Variants in CADM2 observed in about 807,000 individuals in gnomAD.
CADM2 encodes the protein cell adhesion molecule 2, also known as immunoglobulin superfamily member 4D.
CADM2 carries 12 observed loss-of-function variants against 49.8 expected under a neutral mutation model. The ratio of observed to expected loss-of-function variants is 0.24; its 90% CI spans 0.15 to 0.39. The LOEUF (loss-of-function observed/expected upper bound fraction) is 0.39. CADM2 is among the 10% of genes least tolerant of loss of function. The pLI is 1.00. For synonymous variants in CADM2, 214 were observed against 175.4 expected, an observed-to-expected ratio of 1.22 and a Z score of -1.74; for missense variants, 378 against 492.3, an observed-to-expected ratio of 0.77 and a Z score of 2.20.
In CADM2 at chr3:85,513,523, G is replaced by A. The variant is rs575742953; in HGVS notation, c.62-212999G>A. Among the ~76,000 whole-genome samples, 293 of 151,650 alleles carry A rather than the reference G, an allele frequency of 1.9e-3. 1 individual carries two copies. The highest frequency in any genetic ancestry group is 3.7e-3 in the Non-Finnish European group (248 of 67,822). ...ATGAAAATGAAAAATATATGAATAC[G>A]TGCTTTTACCCAAACAAGTAAAAAT... On this transcript the variant is annotated intron_variant, in intron 1 of 9. Coordinates refer to ENST00000383699, the MANE Select transcript of CADM2 (RefSeq NM_001167675.2).
Position 85,071,455 on chromosome 3 carries a change from C to A in CADM2, c.61+111787C>A, listed in dbSNP as rs553261123. 7.3e-3 allele frequency among the ~76,000 whole-genome samples: 1,109 copies of A among 152,086 alleles called. 12 individuals are homozygous for A. The highest frequency in any genetic ancestry group is 0.025 in the African/African-American group (1,036 of 41,452). On this transcript the variant is annotated intron_variant, in intron 1 of 9. Transcript: ENST00000383699. ...GCTCAGGATAAAGGGATGGAAAAAC[C>A]TTAGTATTAACTTACAAGTAGTGCC...
intron 1 of CADM2, among the ~76,000 whole-genome samples, chr3:85,094,694 T>C (rs2037727979): frequency 6.6e-6 from 1 of 152,196 alleles, no homozygotes; most frequent in Non-Finnish European, 1.5e-5. Context: ...ATGTTTTGCA[T>C]GCAATCACTG....
At chr3:85,551,150 AT>A (rs149440069) in intron 1 of CADM2, among the ~76,000 whole-genome samples, 1 of 151,982 alleles carries the variant, frequency 6.6e-6, no homozygotes, top group African/African-American at 2.4e-5. Context: ...TGCTCAGTTG[AT>A]TTTTTATTTT....
At chr3:85,686,616 A>T (rs59426471) in intron 1 of CADM2, among the ~76,000 whole-genome samples, 23,259 of 152,126 alleles carry the variant, frequency 0.15, 1,951 homozygotes, top group African/African-American at 0.2. Context: ...ATATGATCTA[A>T]TATAATACCA....
chr3:85,359,239 T>C (rs989129508), intron 1 of CADM2, among the ~76,000 whole-genome samples: 2 of 152,144 alleles, frequency 1.3e-5, no homozygotes, highest in African/African-American at 4.8e-5. Flanking sequence ...TTGTCCATTC[T>C]TGTTATGCCT....
chr3:85,838,806 G>T lies in CADM2; in HGVS notation c.238+36610G>T, dbSNP rs561919515. On this transcript the variant is annotated intron_variant, in intron 3 of 9. Coordinates refer to ENST00000383699, the MANE Select transcript of CADM2 (RefSeq NM_001167675.2). ...TACCCAGTTACAATAATAGAATGGG[G>T]AGGGAATTATGAAAGTAACTAAAAT... Among the ~76,000 whole-genome samples the T allele has an allele frequency of 5.9e-5, 9 of 151,860 alleles. 2 individuals are homozygous for T. The highest frequency in any genetic ancestry group is 2.2e-4 in the African/African-American group (9 of 41,476).
At chr3:85,591,182 A>C (rs1344180615) in intron 1 of CADM2, among the ~76,000 whole-genome samples, 1 of 151,944 alleles carries the variant, frequency 6.6e-6, no homozygotes, top group Non-Finnish European at 1.5e-5. Flanking sequence ...TGAGCAGTTA[A>C]ATATTTTGTC....
intron 1 of CADM2, among the ~76,000 whole-genome samples, chr3:85,222,778 T>C (rs990389356): frequency 2.6e-5 from 4 of 152,186 alleles, no homozygotes; most frequent in African/African-American, 4.8e-5. Flanking sequence ...TTTACTATTA[T>C]GCTATAGCCA....
Position 86,020,090 on chromosome 3 carries a change from C to A in CADM2, c.971-45515C>A, listed in dbSNP as rs534924928. Among the ~76,000 whole-genome samples, 609 of 151,778 alleles carry A rather than the reference C, an allele frequency of 4.0e-3. 10 individuals are homozygous for A. The highest frequency in any genetic ancestry group is 0.012 in the African/African-American group (505 of 41,336). On this transcript the variant is annotated intron_variant, in intron 8 of 9. Coordinates refer to ENST00000383699, the MANE Select transcript of CADM2 (RefSeq NM_001167675.2). ...ATCAACAAAATTGATGGACCGCTAGCAAGACTAATAAAGAAAAAAAGAGAG... is the reference window on the plus strand; with the variant it reads ...ATCAACAAAATTGATGGACCGCTAGAAAGACTAATAAAGAAAAAAAGAGAG...
intron 1 of CADM2, among the ~76,000 whole-genome samples, chr3:85,069,604 T>A (rs1282691693): frequency 2.0e-5 from 3 of 152,010 alleles, no homozygotes; most frequent in African/African-American, 7.2e-5. Context: ...GAAAATCATA[T>A]CTGAATTAGA....
At chr3:85,969,968 T>A (rs575557259) in intron 8 of CADM2, among the ~76,000 whole-genome samples, 18 of 79,148 alleles carry the variant, frequency 2.3e-4, no homozygotes, top group South Asian at 1.2e-3. Context: ...TGTGTGTGTG[T>A]GAGTGTATAT....
intron 1 of CADM2, among the ~76,000 whole-genome samples, chr3:85,552,366 G>GTGTTTTTTTTTTTTTTTTTTTTTTTTTT (rs2061828186): frequency 1.1e-5 from 1 of 87,588 alleles, no homozygotes; most frequent in African/African-American, 4.6e-5. Context: ...ACTTTGAAAA[G>GTGTTTTTTTTTTTTTTTTTTTTTTTTTT]TTTTTTTTTT....
intron 1 of CADM2, among the ~76,000 whole-genome samples, chr3:85,116,527 C>T (rs1225446555): frequency 3.0e-4 from 46 of 152,018 alleles, no homozygotes; most frequent in Non-Finnish European, 7.4e-5. Context: ...TTATATGAGT[C>T]AAAGTTAGTG....
chr3:84,990,138 A>G (rs936045944), intron 1 of CADM2, among the ~76,000 whole-genome samples: 3 of 151,742 alleles, frequency 2.0e-5, no homozygotes, highest in African/African-American at 7.2e-5. Context: ...TCAAGAATAT[A>G]ATTCTATCCA....
chr3:85,030,240 C>T (rs1359884567), intron 1 of CADM2, among the ~76,000 whole-genome samples: 3 of 152,192 alleles, frequency 2.0e-5, no homozygotes, highest in Non-Finnish European at 4.4e-5. Context: ...GTCACACAAC[C>T]TTTCCTATGT....
intron 8 of CADM2, among the ~76,000 whole-genome samples, chr3:85,983,258 A>C (rs148611175): frequency 2.6e-5 from 4 of 151,834 alleles, no homozygotes; most frequent in South Asian, 2.1e-4. Context: ...TATTTGGAGG[A>C]AGAAGAACTT....
At chr3:85,472,779 T>TTC (rs1040728473) in intron 1 of CADM2, among the ~76,000 whole-genome samples, 3 of 151,520 alleles carry the variant, frequency 2.0e-5, no homozygotes, top group Non-Finnish European at 4.4e-5. Context: ...TTGTCACTCA[T>TTC]TCTCTCTCTC....
At chr3:85,437,535 T>C (rs1415513927) in intron 1 of CADM2, among the ~76,000 whole-genome samples, 3 of 152,164 alleles carry the variant, frequency 2.0e-5, no homozygotes, top group African/African-American at 4.8e-5. Flanking sequence ...GGTCTGGATT[T>C]TGACCACTCT....
chr3:85,918,194 A>T (rs539594038), intron 6 of CADM2, among the ~76,000 whole-genome samples: 1 of 152,240 alleles, frequency 6.6e-6, no homozygotes, highest in Admixed American at 6.5e-5. Context: ...CACTATGTTG[A>T]ATAGGGGTGG....
Sources: gnomAD v4.1 joint callset for allele counts (sites outside exome capture counted in the v4.1 genomes callset) on GRCh38, gnomAD v4.1.1 for gene constraint, MANE v1.5 for transcripts, NCBI Gene and HGNC (gene_info 2026-07-23, HGNC 2026-07-21) for gene names.